Variants in BAZ2B observed in about 807,000 individuals in gnomAD.
BAZ2B encodes the protein bromodomain adjacent to zinc finger domain 2B, also known as bromodomain adjacent to zinc finger domain protein 2B.
BAZ2B carries 91 observed loss-of-function variants against 246.0 expected under a neutral mutation model. The ratio of observed to expected loss-of-function variants is 0.37; its 90% CI spans 0.31 to 0.44. BAZ2B has a LOEUF of 0.44. BAZ2B is among the 20% of genes least tolerant of loss of function. BAZ2B has a pLI of 1.00. For synonymous variants in BAZ2B, 855 were observed against 860.0 expected (o/e 0.99, Z 0.10); for missense variants, 2,332 against 2,533.7 (o/e 0.92, Z 1.71).
At chr2:159,676,816 T>C in the BAZ2B span, among the ~76,000 whole-genome samples, 1 of 151,950 alleles carries the variant, frequency 6.6e-6, no homozygotes, top group Admixed American at 6.6e-5. Flanking sequence ...GATAAAAAAG[T>C]TTTGGAAACA....
chr2:159,708,977 A>G, the BAZ2B span, among the ~76,000 whole-genome samples: 1 of 152,214 alleles, frequency 6.6e-6, no homozygotes, highest in African/African-American at 2.4e-5. Context: ...AACTTTAAAT[A>G]AAACTTGATG....
At chr2:159,496,502 A>C (rs2081164127) in intron 2 of BAZ2B, among the ~76,000 whole-genome samples, 1 of 149,794 alleles carries the variant, frequency 6.7e-6, no homozygotes, top group African/African-American at 2.4e-5. Context: ...AAAAAAAAAA[A>C]AGCCAGCCAC....
the BAZ2B span, chr2:159,690,297 G>T: frequency 3.7e-6 from 1 of 273,420 alleles, no homozygotes; most frequent in South Asian, 4.4e-5. Flanking sequence ...CTTTCATAAG[G>T]CGCTCATTCT....
chr2:159,357,777 C>A (rs1245975114), intron 27 of BAZ2B, among the ~76,000 whole-genome samples: 1 of 152,196 alleles, frequency 6.6e-6, no homozygotes, highest in Non-Finnish European at 1.5e-5. Context: ...TCTGCAGAAA[C>A]CTTACAAGCC....
chr2:159,530,614 T>A (rs182595622), intron 2 of BAZ2B, among the ~76,000 whole-genome samples: 3 of 152,320 alleles, frequency 2.0e-5, no homozygotes, highest in Non-Finnish European at 4.4e-5. Context: ...TATGCATATA[T>A]AACTTTATAA....
chr2:159,529,967 C>T (rs1368414375), intron 2 of BAZ2B, among the ~76,000 whole-genome samples: 3 of 152,002 alleles, frequency 2.0e-5, no homozygotes, highest in Admixed American at 6.6e-5. Context: ...AAGATCTCAC[C>T]AGTTTTATCC....
chr2:159,337,549 A>C lies in BAZ2B; in HGVS notation c.5660+18T>G. The C allele has an allele frequency of 6.2e-7, 1 of 1,614,084 alleles. No individual in the cohort carries two copies. Among genetic ancestry groups the C allele is most frequent in the Non-Finnish European group, 8.5e-7 (1 of 1,179,960 alleles). ...CAGTTTGATCTGAATGGTGGTACTT[A>C]AGGGGCTCTTCAGATACCTTCTTTC... On this transcript the variant is annotated intron_variant, in intron 32 of 36. Transcript: ENST00000392783.
rs186314882 is a variant in BAZ2B at position 159,438,462 on chromosome 2, C to A, written c.1134G>T (p.Thr378=). ...AAGGTTTCACATTGGACACCAATCCCGTAGACTGTATTACACTGGTGTGTT... is the reference window on the plus strand; with the variant it reads ...AAGGTTTCACATTGGACACCAATCCAGTAGACTGTATTACACTGGTGTGTT... The part of the protein sequence containing the change: ...VNKHTSVIQS[T]GLVSNVKPLS... The change falls in exon 8 of 37, where the codon ACG becomes ACT. Residue 378 remains threonine, a synonymous_variant. Coordinates refer to ENST00000392783, the MANE Select transcript of BAZ2B (RefSeq NM_013450.4). 11 of 1,614,112 alleles carry A rather than the reference C, an allele frequency of 6.8e-6. No homozygotes were observed. Among genetic ancestry groups the A allele is most frequent in the East Asian group, 2.2e-5 (1 of 44,876 alleles).
In BAZ2B at chr2:159,322,994, C is replaced by CT. The variant is rs71406166; in HGVS notation, c.6353+1816dup. 6.2e-3 allele frequency among the ~76,000 whole-genome samples: 854 copies of CT among 137,218 alleles called. 3 individuals are homozygous for CT. Among genetic ancestry groups the CT allele is most frequent in the African/African-American group, 0.012 (459 of 37,890 alleles). 90.0% of individuals were successfully genotyped at this position (137,218 alleles called of 152,430 possible). A position where few individuals can be genotyped will look rare whatever the true frequency, so the allele number is the denominator to read the frequency against. ...TTTCAAAGGAGCTCTGATTTTGTAG[C>CT]TTTTTTTTTTTTTTTTGAGACAATC... On this transcript the variant is annotated intron_variant, in intron 36 of 36. Transcript: ENST00000392783.
intron 2 of BAZ2B, among the ~76,000 whole-genome samples, chr2:159,508,244 C>G (rs2082544009): frequency 6.6e-6 from 1 of 152,098 alleles, no homozygotes; most frequent in Admixed American, 6.6e-5. Flanking sequence ...TCAGCAGGTT[C>G]CTTGAAATGG....
chr2:159,367,760 C>T (rs7559223), intron 27 of BAZ2B, among the ~76,000 whole-genome samples: 102,849 of 151,654 alleles, frequency 0.68, 37,290 homozygotes, highest in Non-Finnish European at 0.83. Flanking sequence ...TGGTGGCAGA[C>T]GCCTGTAGTC....
intron 3 of BAZ2B, among the ~76,000 whole-genome samples, chr2:159,455,258 T>G (rs993648734): frequency 1.3e-5 from 2 of 152,154 alleles, no homozygotes; most frequent in African/African-American, 2.4e-5. Flanking sequence ...TTTGCTTTCT[T>G]GCTCCCTGAA....
chr2:159,349,465 A>G (rs1006571790), intron 28 of BAZ2B, among the ~76,000 whole-genome samples, 185 bp from the exon 29 acceptor site: 5 of 152,252 alleles, frequency 3.3e-5, no homozygotes, highest in Non-Finnish European at 5.9e-5. Flanking sequence ...TTCCCAAAGT[A>G]ATTTTCCTTT....
At chr2:159,510,324 C>G (rs186150770) in intron 2 of BAZ2B, among the ~76,000 whole-genome samples, 2 of 152,124 alleles carry the variant, frequency 1.3e-5, no homozygotes, top group East Asian at 3.9e-4. Flanking sequence ...CCACCATGCC[C>G]AGCTATTTTA....
intron 2 of BAZ2B, among the ~76,000 whole-genome samples, chr2:159,484,827 A>G (rs1455764818): frequency 6.6e-6 from 1 of 152,162 alleles, no homozygotes; most frequent in African/African-American, 2.4e-5. Flanking sequence ...CGTCAAGAAA[A>G]GCAAGGTAAT....
the BAZ2B span, among the ~76,000 whole-genome samples, chr2:159,675,986 C>G: frequency 2.2e-4 from 33 of 152,194 alleles, no homozygotes; most frequent in African/African-American, 7.5e-4. Flanking sequence ...ACCTCCACCC[C>G]CCAGGTTCAG....
chr2:159,657,011 T>G, the BAZ2B span, among the ~76,000 whole-genome samples: 3 of 152,164 alleles, frequency 2.0e-5, no homozygotes, highest in Admixed American at 1.3e-4. Flanking sequence ...TACCAATTTT[T>G]TTCTTTTATG....
At chr2:159,368,391 T>C (rs1197708662) in intron 27 of BAZ2B, among the ~76,000 whole-genome samples, 1 of 152,202 alleles carries the variant, frequency 6.6e-6, no homozygotes, top group Non-Finnish European at 1.5e-5. Context: ...CAAGGCACAA[T>C]ACAGGTGTAA....
At chr2:159,359,786 C>T (rs1218409118) in intron 27 of BAZ2B, among the ~76,000 whole-genome samples, 1 of 152,160 alleles carries the variant, frequency 6.6e-6, no homozygotes, top group East Asian at 1.9e-4. Context: ...CACTGGGGTG[C>T]AAGGCTGTTT....
Sources: gnomAD v4.1 joint callset for allele counts (sites outside exome capture counted in the v4.1 genomes callset) on GRCh38, gnomAD v4.1.1 for gene constraint, MANE v1.5 for transcripts, NCBI Gene and HGNC (gene_info 2026-07-23, HGNC 2026-07-21) for gene names.